Variants in CDH3 observed in about 807,000 individuals in gnomAD.
The protein encoded by CDH3 is cadherin-3.
In CDH3, 54 loss-of-function variants were observed where a neutral mutation model predicts 82.0. The ratio of observed to expected loss-of-function variants is 0.66; its 90% CI spans 0.53 to 0.83. CDH3 has a LOEUF of 0.83. Among genes scored for constraint, CDH3 ranks in the 40% least tolerant of loss-of-function variants. CDH3 has a pLI of 0.00. For synonymous variants in CDH3, 446 were observed against 437.9 expected (o/e 1.02, Z -0.23); for missense variants, 1,054 against 1,084.6 (o/e 0.97, Z 0.40).
In CDH3 at chr16:68,687,716, C is replaced by A. The variant is rs145851551; in HGVS notation, c.1775C>A (p.Thr592Lys). 6.2e-7 allele frequency: 1 copy of A among 1,613,694 alleles called. No homozygotes were observed. Among genetic ancestry groups the A allele is most frequent in the South Asian group, 1.1e-5 (1 of 91,066 alleles). Residue 592 changes from threonine (T) to lysine (K), a missense_variant, in exon 12 of 16, where the codon ACG (threonine) becomes AAG (lysine). Physicochemically the swap from Thr to Lys is moderately conservative, Grantham distance 78. Transcript: ENST00000264012. The stretch of plus-strand genomic sequence containing the variant: ...ACAGATGACTCAGACATCTACTGGA[C>A]GGCAGAGGTCAACGAGGAAGGTACC... The part of the protein sequence containing the change: ...QLTDDSDIYW[T>K]AEVNEEGDTV...
intron 2 of CDH3, among the ~76,000 whole-genome samples, chr16:68,661,028 T>C (rs890768990): frequency 6.6e-6 from 1 of 152,028 alleles, no homozygotes; most frequent in African/African-American, 2.4e-5. Context: ...TCAAGACTTA[T>C]ATTCTCATAT....
At chr16:68,705,140 T>G (rs565656300), downstream of CDH3, among the ~76,000 whole-genome samples, 41 of 152,280 alleles carry the variant, frequency 2.7e-4, no homozygotes, top group South Asian at 1.9e-3. Flanking sequence ...GGGGTCTAGA[T>G]CTCCTTGATT....
At chr16:68,676,292 T>G in intron 2 of CDH3, 93 bp from the exon 3 acceptor site, 2 of 859,328 alleles carry the variant, frequency 2.3e-6, no homozygotes, top group Non-Finnish European at 4.0e-6. Context: ...CAGTCCTGGA[T>G]CCAGTCAGAG....
intron 2 of CDH3, among the ~76,000 whole-genome samples, chr16:68,665,810 C>T (rs1960718814): frequency 6.6e-6 from 1 of 152,138 alleles, no homozygotes; most frequent in African/African-American, 2.4e-5. Flanking sequence ...TTATGAGGAA[C>T]TTGATGAACA....
At chr16:68,649,826 G>A (rs960115923) in intron 2 of CDH3, among the ~76,000 whole-genome samples, 2 of 152,114 alleles carry the variant, frequency 1.3e-5, no homozygotes, top group African/African-American at 4.8e-5. Context: ...ATGAGGCCAG[G>A]AGTTCAAGAC....
At chr16:68,672,222 A>T (rs1960904784) in intron 2 of CDH3, among the ~76,000 whole-genome samples, 1 of 148,408 alleles carries the variant, frequency 6.7e-6, no homozygotes, top group Non-Finnish European at 1.5e-5. Context: ...ATAAAAAATA[A>T]AAAAAAAAGA....
chr16:68,707,554 T>C lies in CDH3; in HGVS notation c.99+11631T>C, dbSNP rs1054059490. ...CCGGGGAGCCTGTCTGAGAGCGCCC[T>C]GTAGTCTGGTAGGGCGGTGGCTAAG... On this transcript the variant is annotated intron_variant, in intron 1 of 2. Coordinates refer to the CDH3 transcript ENST00000569080. This position sits in a 1 kb window ranked among gnomAD's most constrained non-coding sequence, Gnocchi z 4.5. Among the ~76,000 whole-genome samples the C allele has an allele frequency of 6.6e-6, 1 of 152,094 alleles. No individual in the cohort carries two copies. Among genetic ancestry groups the C allele is most frequent in the Non-Finnish European group, 1.5e-5 (1 of 67,986 alleles).
At chr16:68,686,488 C>T (rs978561881) in intron 11 of CDH3, 3 of 1,215,352 alleles carry the variant, frequency 2.5e-6, no homozygotes, top group East Asian at 2.3e-5. Flanking sequence ...CCAGAAAAAT[C>T]TCAAGGAAAA....
intron 1 of CDH3, among the ~76,000 whole-genome samples, chr16:68,715,087 G>A (rs893640473): frequency 1.3e-5 from 2 of 152,084 alleles, no homozygotes; most frequent in Non-Finnish European, 2.9e-5. Flanking sequence ...CAAAGTCAGA[G>A]AAGTTCTAAA....
chr16:68,665,903 A>G (rs1360018926), intron 2 of CDH3, among the ~76,000 whole-genome samples: 1 of 152,142 alleles, frequency 6.6e-6, no homozygotes, highest in Non-Finnish European at 1.5e-5. Context: ...TAATTTTTCT[A>G]GTCGGGGGAA....
chr16:68,709,007 G>A (rs571671566), intron 1 of CDH3, among the ~76,000 whole-genome samples: 29 of 152,084 alleles, frequency 1.9e-4, no homozygotes, highest in Non-Finnish European at 3.8e-4. Context: ...TCAAACTCCT[G>A]AACTCAGGTG....
Position 68,685,353 on chromosome 16 carries a change from G to A in CDH3, c.1570+3G>A. 1.2e-6 allele frequency: 2 copies of A among 1,613,888 alleles called. No individual in the cohort carries two copies. Among genetic ancestry groups the A allele is most frequent in the Middle Eastern group, 1.7e-4 (1 of 6,050 alleles). On this transcript the variant is annotated splice_donor_region_variant and intron_variant, in intron 11 of 15. Coordinates refer to ENST00000264012, the MANE Select transcript of CDH3 (RefSeq NM_001793.6). ...CATGGTCTTGGCCATGGACAATGGTGAGAGCATCCTCCCAGCCCTCCCACA... is the reference window on the plus strand; with the variant it reads ...CATGGTCTTGGCCATGGACAATGGTAAGAGCATCCTCCCAGCCCTCCCACA...
chr16:68,645,607 C>T lies in CDH3; in HGVS notation c.46-29C>T, dbSNP rs751351386. ...CAGGGCCGGGCACGCCTGGACCCAG[C>T]CTCCTTCACTCTCTGCCCTCGGGCG... On this transcript the variant is annotated intron_variant, in intron 1 of 15. Coordinates refer to ENST00000264012, the MANE Select transcript of CDH3 (RefSeq NM_001793.6). 52 of 1,525,300 alleles carry T rather than the reference C, an allele frequency of 3.4e-5. No homozygotes were observed. In the Admixed American group the frequency reaches 7.8e-4, roughly 23 times the overall value. 94.5% of individuals were successfully genotyped at this position (1,525,300 alleles called of 1,614,324 possible).
chr16:68,731,639 C>G (rs953924072), downstream of CDH3, among the ~76,000 whole-genome samples: 8 of 149,854 alleles, frequency 5.3e-5, no homozygotes, highest in South Asian at 2.1e-4. Context: ...GAGTTTGAGA[C>G]CAGCCTGGGC....
At chr16:68,690,362 G>A (rs995314799) in intron 12 of CDH3, among the ~76,000 whole-genome samples, 2 of 152,232 alleles carry the variant, frequency 1.3e-5, no homozygotes, top group East Asian at 3.8e-4. Context: ...GCTCAGGCCT[G>A]TAATCCCAGC....
At chr16:68,721,590 A>G (rs1233916414) in intron 1 of CDH3, among the ~76,000 whole-genome samples, 1 of 152,158 alleles carries the variant, frequency 6.6e-6, no homozygotes, top group Non-Finnish European at 1.5e-5. Flanking sequence ...GGTGTGAGCC[A>G]CTATGCCCAG....
At chr16:68,722,005 C>T (rs1392891778) in intron 1 of CDH3, among the ~76,000 whole-genome samples, 1 of 152,126 alleles carries the variant, frequency 6.6e-6, no homozygotes, top group Non-Finnish European at 1.5e-5. Flanking sequence ...AGGAGAATTG[C>T]TTGAACCTGG....
At chr16:68,662,864 GTTTTTTT>G (rs144098456) in intron 2 of CDH3, among the ~76,000 whole-genome samples, 2 of 67,808 alleles carry the variant, frequency 2.9e-5, no homozygotes, top group Admixed American at 2.1e-4. Context: ...ATTTTTTAAA[GTTTTTTT>G]TTTTTTTTTT....
intron 2 of CDH3, among the ~76,000 whole-genome samples, chr16:68,667,212 G>A (rs1233609434): frequency 2.0e-5 from 3 of 151,980 alleles, no homozygotes; most frequent in East Asian, 1.9e-4. Flanking sequence ...ACTTTTCCCC[G>A]GTGCCCTCTT....
Sources: allele counts gnomAD v4.1 joint callset (sites outside exome capture counted in the v4.1 genomes callset), GRCh38; gene constraint gnomAD v4.1.1; non-coding constraint Gnocchi (gnomAD v3.1); transcripts MANE v1.5; gene names NCBI Gene and HGNC (gene_info 2026-07-23, HGNC 2026-07-21).